Variants in ABCC1 observed in about 807,000 individuals in gnomAD.
ABCC1 encodes multidrug resistance-associated protein 1.
ABCC1 carries 83 observed loss-of-function variants against 172.9 expected under a neutral mutation model. The observed-to-expected ratio is 0.48, with a 90% CI of 0.40 to 0.58. ABCC1 has a LOEUF of 0.58. ABCC1 is among the 20% of genes least tolerant of loss of function. The pLI is 0.00. For synonymous variants in ABCC1, 937 were observed against 825.2 expected, an observed-to-expected ratio of 1.14 and a Z score of -2.32; for missense variants, 1,817 against 2,002.7, an observed-to-expected ratio of 0.91 and a Z score of 1.77.
intron 1 of ABCC1, among the ~76,000 whole-genome samples, chr16:15,986,640 G>C (rs1701629148): frequency 6.6e-6 from 1 of 152,128 alleles, no homozygotes; most frequent in Admixed American, 6.6e-5. Flanking sequence ...ATCCATCCCT[G>C]GTGCCAAAAA....
At chr16:15,984,791 C>T (rs2046707921) in intron 1 of ABCC1, among the ~76,000 whole-genome samples, 1 of 152,106 alleles carries the variant, frequency 6.6e-6, no homozygotes, top group Non-Finnish European at 1.5e-5. Flanking sequence ...TACGTACACA[C>T]ATATATATTT....
chr16:16,096,226 C>CA (rs35006643), intron 19 of ABCC1, among the ~76,000 whole-genome samples: 58 of 141,384 alleles, frequency 4.1e-4, no homozygotes, highest in Admixed American at 2.5e-3. Context: ...GAGACTGTCT[C>CA]AAAAAAAAAA....
chr16:16,061,035 C>T (rs2049886175), intron 12 of ABCC1, among the ~76,000 whole-genome samples: 2 of 152,104 alleles, frequency 1.3e-5, no homozygotes, highest in Non-Finnish European at 2.9e-5. Flanking sequence ...AGCAATTCTC[C>T]TGCCTCAGCG....
intron 18 of ABCC1, among the ~76,000 whole-genome samples, chr16:16,089,109 C>T (rs992314915): frequency 6.6e-6 from 1 of 152,174 alleles, no homozygotes; most frequent in Non-Finnish European, 1.5e-5. Context: ...TGACCGTTAG[C>T]TGTTTAAGGA....
intron 1 of ABCC1, among the ~76,000 whole-genome samples, chr16:15,983,775 C>T (rs2046683829): frequency 1.0e-5 from 1 of 97,460 alleles, no homozygotes; most frequent in South Asian, 3.9e-4. Flanking sequence ...AGGCTCCTCT[C>T]TAACTTCTGA....
chr16:15,951,217 T>A (rs2045863638), intron 1 of ABCC1, among the ~76,000 whole-genome samples: 1 of 152,296 alleles, frequency 6.6e-6, no homozygotes, highest in Non-Finnish European at 1.5e-5. Context: ...GAATATTCTC[T>A]TGTTTATTTT....
At chr16:16,079,647 T>G (rs1408656258) in intron 16 of ABCC1, among the ~76,000 whole-genome samples, 169 bp downstream of exon 16, 1 of 152,172 alleles carries the variant, frequency 6.6e-6, no homozygotes, top group African/African-American at 2.4e-5. Context: ...TCTCGTTCTT[T>G]CTGTTCTGTT....
At chr16:16,092,402 C>T (rs994206669) in intron 19 of ABCC1, among the ~76,000 whole-genome samples, 3 of 152,162 alleles carry the variant, frequency 2.0e-5, no homozygotes, top group South Asian at 2.1e-4. Flanking sequence ...CCAGCACCTC[C>T]GAAGCCCTAG....
At chr16:16,030,441 C>G (rs943227684) in intron 5 of ABCC1, among the ~76,000 whole-genome samples, 2 of 152,154 alleles carry the variant, frequency 1.3e-5, no homozygotes, top group Non-Finnish European at 2.9e-5. Context: ...GGGAGGATCA[C>G]TTGAACCCAG....
chr16:16,043,570 G>T (rs1331922215), intron 7 of ABCC1, among the ~76,000 whole-genome samples: 1 of 151,856 alleles, frequency 6.6e-6, no homozygotes, highest in East Asian at 1.9e-4. Flanking sequence ...ATAGTGCTGG[G>T]ATTACAGGCG....
chr16:16,134,577 G>A (rs1395463711), intron 28 of ABCC1, 69 bp downstream of exon 28: 6 of 1,449,266 alleles, frequency 4.1e-6, no homozygotes, highest in Non-Finnish European at 5.7e-6. Context: ...TGACAGTGGT[G>A]TATGTATATT....
chr16:16,038,268 C>A (rs1157620874), intron 7 of ABCC1, among the ~76,000 whole-genome samples: 1 of 152,076 alleles, frequency 6.6e-6, no homozygotes, highest in East Asian at 1.9e-4. Flanking sequence ...GAAGTCCCAC[C>A]CTAGGTCATC....
chr16:16,126,425 C>T (rs1194836644), intron 26 of ABCC1, among the ~76,000 whole-genome samples: 1 of 152,078 alleles, frequency 6.6e-6, no homozygotes, highest in East Asian at 1.9e-4. Context: ...TCACTGTCAC[C>T]CAGGCTGGAG....
At position 16,129,839 on chromosome 16, in the gene ABCC1, G is replaced by A. The variant is rs549508230; in HGVS notation, c.3820-1950G>A. The stretch of plus-strand genomic sequence containing the variant: ...AGGTGTGAGCCACTGCGCCGGCAAC[G>A]CTGTGATTTTATAGCACGTCCACAA... On this transcript the variant is annotated intron_variant, in intron 26 of 30. Coordinates refer to ENST00000399410, the MANE Select transcript of ABCC1 (RefSeq NM_004996.4). 7.9e-5 allele frequency among the ~76,000 whole-genome samples: 12 copies of A among 152,204 alleles called. No individual in the cohort carries two copies. The South Asian group carries it at 2.5e-3, about 32-fold the overall frequency.
intron 13 of ABCC1, 60 bp from the exon 14 acceptor site, chr16:16,071,578 CTTGG>C (rs1309913367): frequency 1.4e-6 from 2 of 1,406,542 alleles, no homozygotes; most frequent in Non-Finnish European, 9.9e-7. Flanking sequence ...GAAAGTTAAC[CTTGG>C]TTGGTTTTGC....
chr16:16,019,717 G>C (rs2048129708), intron 5 of ABCC1, among the ~76,000 whole-genome samples: 1 of 151,976 alleles, frequency 6.6e-6, no homozygotes, highest in African/African-American at 2.4e-5. Flanking sequence ...ACCTTTTTTT[G>C]TGCTTTCTGC....
In ABCC1 at chr16:16,134,370, G is replaced by A. The variant is rs746302119; in HGVS notation, c.3987G>A (p.Thr1329=). The part of the protein sequence containing the change: ...GGEKVGIVGR[T]GAGKSSLTLG... ...TGCAGGTCGGCATCGTGGGGCGGAC[G>A]GGAGCTGGGAAGTCGTCCCTGACCC... Residue 1329 remains threonine (T), a synonymous_variant, in exon 28 of 31, where the codon ACG becomes ACA. Coordinates refer to ENST00000399410, the MANE Select transcript of ABCC1 (RefSeq NM_004996.4). The A allele has an allele frequency of 7.4e-6, 12 of 1,613,954 alleles. No individual in the cohort carries two copies. The highest frequency in any genetic ancestry group is 1.6e-4 in the Middle Eastern group (1 of 6,084).
chr16:15,985,559 C>T (rs2046724271), intron 1 of ABCC1, among the ~76,000 whole-genome samples: 1 of 152,102 alleles, frequency 6.6e-6, no homozygotes, highest in African/African-American at 2.4e-5. Context: ...ATTCTCCTGC[C>T]CCAGCCTCCT....
rs2048012861 is a variant in ABCC1 at position 16,016,682 on chromosome 16, T to A, written c.615+61T>A. The A allele has an allele frequency of 6.9e-6, 11 of 1,597,980 alleles. No homozygotes were observed. The South Asian group carries it at 1.2e-4, about 18-fold the overall frequency. On this transcript the variant is annotated intron_variant, in intron 5 of 30. Coordinates refer to ENST00000399410, the MANE Select transcript of ABCC1 (RefSeq NM_004996.4). ...TGTGTGAGAGAGATGCGTGACACAG[T>A]ACCAGCTAACATTTCTTAGATCCAT...
Sources: gnomAD v4.1 joint callset for allele counts (sites outside exome capture counted in the v4.1 genomes callset) on GRCh38, gnomAD v4.1.1 for gene constraint, MANE v1.5 for transcripts, NCBI Gene and HGNC (gene_info 2026-07-23, HGNC 2026-07-21) for gene names.